The following SCAMP5 variants were observed in gnomAD, a reference collection of about 807,000 sequenced individuals.
The protein encoded by SCAMP5 is secretory carrier membrane protein 5.
In SCAMP5, 7 loss-of-function variants were observed where a neutral mutation model predicts 28.3. The ratio of observed to expected loss-of-function variants is 0.25; its 90% CI spans 0.14 to 0.46. The LOEUF (loss-of-function observed/expected upper bound fraction) is 0.46. Ranked by LOEUF, SCAMP5 falls within the 20% of genes least tolerant of loss-of-function variation. The pLI is 0.99. For synonymous variants in SCAMP5, 117 were observed against 116.4 expected (o/e 1.00, Z -0.03); for missense variants, 192 against 312.5 (o/e 0.61, Z 2.91).
At position 75,015,454 on chromosome 15, in the gene SCAMP5, G is replaced by A. The variant is rs3751647; in HGVS notation, c.137-1139G>A. On this transcript the variant is annotated intron_variant, in intron 3 of 6. Transcript: ENST00000425597. ...TCAGCTAGATGAGGTGGGGACAGAG[G>A]GGGGGGGGCCTGGGTCCTGTTCTTG... Among the ~76,000 whole-genome samples, 12 of 150,022 alleles carry A rather than the reference G, an allele frequency of 8.0e-5. No homozygotes were observed. The South Asian group carries it at 1.0e-3, about 13-fold the overall frequency.
Position 75,020,673 on chromosome 15 carries a change from C to T in SCAMP5, c.*1690C>T, listed in dbSNP as rs1031962918. On this transcript the variant is annotated 3_prime_UTR_variant, in exon 7 of 7. Coordinates refer to ENST00000425597, the MANE Select transcript of SCAMP5 (RefSeq NM_138967.4). ...CGGGGCCTGAAGGGGAGTGGGTTCT[C>T]GCCCAAAGAGCATCTGCCCATTTCC... 2 of 152,166 alleles carry T rather than the reference C, an allele frequency of 1.3e-5. No individual in the cohort carries two copies. Among genetic ancestry groups the T allele is most frequent in the African/African-American group, 4.8e-5 (2 of 41,398 alleles). 9.4% of individuals were successfully genotyped at this position (152,166 alleles called of 1,614,324 possible).
chr15:75,013,379 A>G (rs2065831155), intron 3 of SCAMP5, among the ~76,000 whole-genome samples: 1 of 152,170 alleles, frequency 6.6e-6, no homozygotes, highest in Non-Finnish European at 1.5e-5. Flanking sequence ...GGTTCCATGC[A>G]GCTCTGTGTT....
intron 1 of SCAMP5, among the ~76,000 whole-genome samples, chr15:74,998,462 C>T (rs1269738127): frequency 2.6e-5 from 4 of 152,036 alleles, no homozygotes; most frequent in Non-Finnish European, 5.9e-5. Context: ...AAAAATTAGC[C>T]AGGCATGGTG....
intron 1 of SCAMP5, among the ~76,000 whole-genome samples, chr15:74,999,935 A>G (rs1252614585): frequency 1.3e-5 from 2 of 152,252 alleles, no homozygotes; most frequent in African/African-American, 4.8e-5. Context: ...ATTCATTAAC[A>G]TGAAAAACTT....
In SCAMP5 at chr15:75,011,844, C is replaced by T; in HGVS notation, c.5C>T (p.Ala2Val). 1 of 1,612,062 alleles carries T rather than the reference C, an allele frequency of 6.2e-7. No individual in the cohort carries two copies. Among genetic ancestry groups the T allele is most frequent in the East Asian group, 2.2e-5 (1 of 44,858 alleles). M[A>V]EKVNNFPPLP... is the part of the protein sequence containing the mutation. ...ACTGGGCCAGCTGGTAACATCATGGCAGGTAAGGAGAGGGGCAGGCTGTGT... is the reference window on the plus strand; with the variant it reads ...ACTGGGCCAGCTGGTAACATCATGGTAGGTAAGGAGAGGGGCAGGCTGTGT... Residue 2 changes from alanine (A) to valine (V), a missense_variant and splice_region_variant, in exon 2 of 7, where the codon GCA becomes GTA. By Grantham distance (64) the Ala-to-Val change is moderately conservative. Coordinates refer to ENST00000425597, the MANE Select transcript of SCAMP5 (RefSeq NM_138967.4).
rs1268260591 is a variant in SCAMP5 at position 75,015,993 on chromosome 15, C to G, written c.137-600C>G. Among the ~76,000 whole-genome samples the G allele has an allele frequency of 2.0e-5, 3 of 152,024 alleles. No homozygotes were observed. The South Asian group carries it at 6.2e-4, about 32-fold the overall frequency. On this transcript the variant is annotated intron_variant, in intron 3 of 6. Coordinates refer to ENST00000425597, the MANE Select transcript of SCAMP5 (RefSeq NM_138967.4). ...GAGATTCCAGCCGCCAATGCCTGCC[C>G]CATTTAAGTGCAAGGTAGATGGCAC... is the stretch of plus-strand genomic sequence containing the variant.
At chr15:74,997,219 C>A in intron 1 of SCAMP5, 1 of 152,470 alleles carries the variant, frequency 6.6e-6, no homozygotes. Flanking sequence ...TATCCCCACC[C>A]CTTGCCCCCC....
At chr15:74,995,849 T>TG in intron 1 of SCAMP5, 176 bp downstream of exon 1, 1 of 153,564 alleles carries the variant, frequency 6.5e-6, no homozygotes. Flanking sequence ...TGTTTGGGGC[T>TG]GGGGGAGAGC....
chr15:75,016,340 A>T (rs1264296882), intron 3 of SCAMP5, among the ~76,000 whole-genome samples: 1 of 151,090 alleles, frequency 6.6e-6, no homozygotes, highest in African/African-American at 2.4e-5. Context: ...TACAGTCTTT[A>T]CTCCTCTGCG....
rs535020285 is a variant in SCAMP5, at chr15:75,001,698, G to A, written c.-49+6025G>A. Among the ~76,000 whole-genome samples, 456 of 151,754 alleles carry A rather than the reference G, an allele frequency of 3.0e-3. 5 individuals carry two copies. The highest frequency in any genetic ancestry group is 2.2e-3 in the Non-Finnish European group (147 of 67,916). ...AGCCTGGCCAACGTGGTGAAACCCC[G>A]TCTCTATTAAAGATACAAAAAATTT... On this transcript the variant is annotated intron_variant, in intron 1 of 6. Transcript: ENST00000425597.
chr15:75,003,139 T>A (rs930093340), intron 1 of SCAMP5, among the ~76,000 whole-genome samples: 68 of 152,318 alleles, frequency 4.5e-4, no homozygotes, highest in East Asian at 1.2e-3. Context: ...GCCAGGCTGG[T>A]CTCGAACTCC....
At chr15:75,015,392 C>T (rs2065849190) in intron 3 of SCAMP5, among the ~76,000 whole-genome samples, 1 of 151,628 alleles carries the variant, frequency 6.6e-6, no homozygotes, top group Non-Finnish European at 1.5e-5. Flanking sequence ...TTTGAGGTCC[C>T]TGCTGGCCGT....
At chr15:75,004,385 G>GT (rs1439256122) in intron 1 of SCAMP5, among the ~76,000 whole-genome samples, 1 of 152,080 alleles carries the variant, frequency 6.6e-6, no homozygotes, top group Non-Finnish European at 1.5e-5. Flanking sequence ...TTGAAAGGAC[G>GT]TTACAGACCA....
rs144164226 is a variant in SCAMP5, at chr15:75,015,630, A to C, written c.137-963A>C. Among the ~76,000 whole-genome samples the C allele has an allele frequency of 9.5e-4, 144 of 152,290 alleles. 1 individual carries two copies. The highest frequency in any genetic ancestry group is 7.8e-3 in the Admixed American group (120 of 15,302). ...AAGGAGCTGGCATGAGTGTTATCTA[A>C]GAAATAGATTAGATAGCTGGGCACT... On this transcript the variant is annotated intron_variant, in intron 3 of 6. Coordinates refer to ENST00000425597, the MANE Select transcript of SCAMP5 (RefSeq NM_138967.4).
rs112968062 is a variant in SCAMP5, at chr15:75,002,220, A to T, written c.-49+6547A>T. 5.3e-5 allele frequency among the ~76,000 whole-genome samples: 8 copies of T among 152,070 alleles called. 1 individual carries two copies. The highest frequency in any genetic ancestry group is 1.9e-4 in the African/African-American group (8 of 41,480). ...CATCTAAGACCTCAAACCTGCCTGC[A>T]TCTGCTTGGATCCTGTTCGGCTTCC... On this transcript the variant is annotated intron_variant, in intron 1 of 6. Coordinates refer to ENST00000425597, the MANE Select transcript of SCAMP5 (RefSeq NM_138967.4).
chr15:75,018,336 A>G lies in SCAMP5; in HGVS notation c.396-82A>G. 1 of 847,860 alleles carries G rather than the reference A, an allele frequency of 1.2e-6. No individual in the cohort carries two copies. Among genetic ancestry groups the G allele is most frequent in the Non-Finnish European group, 2.1e-6 (1 of 482,860 alleles). The allele number at this position is 847,860 out of a possible 1,614,324, so 52.5% of individuals were successfully genotyped here. ...AGTGATATGTTTCCTCCCTGTGGCA[A>G]TGAGACGGTCCCTTCCTCTAGCGGG... On this transcript the variant is annotated intron_variant, in intron 5 of 6. Coordinates refer to ENST00000425597, the MANE Select transcript of SCAMP5 (RefSeq NM_138967.4). This position sits in a 1 kb window ranked among gnomAD's most constrained non-coding sequence, Gnocchi z 5.6.
At chr15:74,999,524 G>T (rs1355656731) in intron 1 of SCAMP5, among the ~76,000 whole-genome samples, 3 of 152,156 alleles carry the variant, frequency 2.0e-5, no homozygotes, top group Non-Finnish European at 2.9e-5. Flanking sequence ...TTTTCCCGAG[G>T]CGGAGCTTGC....
intron 1 of SCAMP5, among the ~76,000 whole-genome samples, chr15:75,011,393 A>G (rs1322124320): frequency 1.3e-5 from 2 of 152,186 alleles, no homozygotes; most frequent in African/African-American, 2.4e-5. Flanking sequence ...TTCCAGCACC[A>G]TATAAGTGTC....
chr15:75,004,437 A>T (rs2065737209), intron 1 of SCAMP5, among the ~76,000 whole-genome samples: 1 of 152,056 alleles, frequency 6.6e-6, no homozygotes, highest in Non-Finnish European at 1.5e-5. Flanking sequence ...CTAAGAACAA[A>T]GGTGTTCTAC....
Sources: gnomAD v4.1 joint callset for allele counts (sites outside exome capture counted in the v4.1 genomes callset) on GRCh38, gnomAD v4.1.1 for gene constraint, Gnocchi (gnomAD v3.1) non-coding constraint, MANE v1.5 for transcripts, NCBI Gene and HGNC (gene_info 2026-07-23, HGNC 2026-07-21) for gene names.